VAV1: variants seen among roughly 807,000 people sequenced by gnomAD.
The protein encoded by VAV1 is vav guanine nucleotide exchange factor 1, also known as proto-oncogene vav.
Under a neutral mutation model 128.1 loss-of-function variants are expected in VAV1, and 33 were observed. That is an observed-to-expected ratio of 0.26 (90% CI 0.20 to 0.34). The LOEUF (loss-of-function observed/expected upper bound fraction) is 0.34. VAV1 is among the 10% of genes least tolerant of loss of function. VAV1 has a pLI of 1.00. For synonymous variants in VAV1, 394 were observed against 409.8 expected (o/e 0.96, Z 0.47); for missense variants, 715 against 1,093.7 (o/e 0.65, Z 4.88).
At chr19:6,824,218 G>T (rs1971860053) in intron 6 of VAV1, among the ~76,000 whole-genome samples, 1 of 151,990 alleles carries the variant, frequency 6.6e-6, no homozygotes, top group South Asian at 2.1e-4. Context: ...TGGGATTTTG[G>T]GTGTGAGCCA....
In VAV1 at chr19:6,785,094, C is replaced by T. The variant is rs532858837; in HGVS notation, c.204+12083C>T. On this transcript the variant is annotated intron_variant, in intron 1 of 26. Coordinates refer to ENST00000602142, the MANE Select transcript of VAV1 (RefSeq NM_005428.4). ...CCTCAGGGCCTTTGCACTGGCTCTT[C>T]CTTCTTCAGGGATTTCTCTTCCCTC... Among the ~76,000 whole-genome samples, 21 of 152,326 alleles carry T rather than the reference C, an allele frequency of 1.4e-4. No individual in the cohort carries two copies. The South Asian group carries it at 2.7e-3, about 20-fold the overall frequency.
Position 6,820,364 on chromosome 19 carries a change from A to C in VAV1, c.205-338A>C, listed in dbSNP as rs1971753228. On this transcript the variant is annotated intron_variant, in intron 1 of 26. Transcript: ENST00000602142. The surrounding 1 kb of genome is among the most constrained non-coding windows in gnomAD (Gnocchi z 4.4). ...ATCCACTCATCTCCGCCTCCTGAGTAGTTCAAAATGTTTTTCAGGTCATCC... is the reference window on the plus strand; with the variant it reads ...ATCCACTCATCTCCGCCTCCTGAGTCGTTCAAAATGTTTTTCAGGTCATCC... 1.3e-5 allele frequency among the ~76,000 whole-genome samples: 2 copies of C among 152,162 alleles called. No homozygotes were observed. Among genetic ancestry groups the C allele is most frequent in the South Asian group, 4.1e-4 (2 of 4,828 alleles).
chr19:6,822,503 T>G lies in VAV1; in HGVS notation c.643T>G (p.Ser215Ala). The G allele has an allele frequency of 6.5e-7, 1 of 1,549,804 alleles. No homozygotes were observed. The change falls in exon 6 of 27, where the codon TCC (serine) becomes GCC (alanine). Residue 215 changes from serine to alanine, a missense_variant. Coordinates refer to ENST00000602142, the MANE Select transcript of VAV1 (RefSeq NM_005428.4). This position sits in a 1 kb window ranked among gnomAD's most constrained non-coding sequence, Gnocchi z 5.9. ...GGAGAAGTACACTGACACGCTGGGC[T>G]CCATCCAGCAGGTGGGCGCCTCCCA... The part of the protein sequence containing the change: ...TEEKYTDTLG[S>A]IQQHFLKPLQ...
chr19:6,847,667 G>A (rs1972557530), intron 22 of VAV1, among the ~76,000 whole-genome samples: 1 of 152,090 alleles, frequency 6.6e-6, no homozygotes, highest in African/African-American at 2.4e-5. Context: ...GGTGACCACA[G>A]AGATGGGCAC....
intron 22 of VAV1, among the ~76,000 whole-genome samples, chr19:6,844,862 C>A (rs1475955863): frequency 6.6e-6 from 1 of 151,808 alleles, no homozygotes; most frequent in Non-Finnish European, 1.5e-5. Context: ...TAAAAAAAAT[C>A]AAAAACAAGC....
chr19:6,795,571 G>A (rs887231533), intron 1 of VAV1, among the ~76,000 whole-genome samples: 1 of 152,068 alleles, frequency 6.6e-6, no homozygotes, highest in African/African-American at 2.4e-5. Context: ...ATTGCTATTG[G>A]TCTGAGAACT....
At chr19:6,811,915 G>A (rs934619630) in intron 1 of VAV1, among the ~76,000 whole-genome samples, 7 of 152,150 alleles carry the variant, frequency 4.6e-5, no homozygotes, top group African/African-American at 7.2e-5. Flanking sequence ...AGATAATTCA[G>A]GGACCCAGGC....
chr19:6,795,059 A>G (rs1410613677), intron 1 of VAV1, among the ~76,000 whole-genome samples: 3 of 152,152 alleles, frequency 2.0e-5, no homozygotes, highest in African/African-American at 7.2e-5. Flanking sequence ...AGAGAGAGCA[A>G]GTATTCCTCA....
intron 1 of VAV1, among the ~76,000 whole-genome samples, chr19:6,808,627 T>C (rs949149291): frequency 6.6e-6 from 1 of 152,180 alleles, no homozygotes; most frequent in African/African-American, 2.4e-5. Flanking sequence ...CCATACTCAC[T>C]TGCCAGCCAG....
chr19:6,825,485 C>T (rs1018054458), intron 8 of VAV1, 79 bp downstream of exon 8: 8 of 1,256,838 alleles, frequency 6.4e-6, no homozygotes, highest in Admixed American at 2.0e-5. Context: ...ACCTTACCCT[C>T]AGACACCACT....
At chr19:6,823,525 T>A (rs566328175) in intron 6 of VAV1, among the ~76,000 whole-genome samples, 10 of 151,882 alleles carry the variant, frequency 6.6e-5, no homozygotes, top group South Asian at 2.1e-4. Flanking sequence ...TTATATATAT[T>A]TTTTGTTATG....
chr19:6,780,545 G>T (rs1970746120), intron 1 of VAV1, among the ~76,000 whole-genome samples: 1 of 127,110 alleles, frequency 7.9e-6, no homozygotes, highest in African/African-American at 3.5e-5. Flanking sequence ...TGCATTAAAA[G>T]ATTGCCTTCT....
At chr19:6,779,157 T>C (rs113731997) in intron 1 of VAV1, among the ~76,000 whole-genome samples, 20 of 149,824 alleles carry the variant, frequency 1.3e-4, no homozygotes, top group African/African-American at 3.4e-4. Flanking sequence ...GCTCAAGCAG[T>C]CCTCCTGCCT....
At chr19:6,781,420 C>T (rs1970763963) in intron 1 of VAV1, among the ~76,000 whole-genome samples, 2 of 152,098 alleles carry the variant, frequency 1.3e-5, no homozygotes, top group African/African-American at 4.8e-5. Context: ...TGGAGTTTTG[C>T]CAGCTGGATG....
At position 6,835,875 on chromosome 19, in the gene VAV1, G is replaced by GTTTTTTT. The variant is rs1972210408; in HGVS notation, c.1778-554_1778-553insTTTTTTT. On this transcript the variant is annotated intron_variant, in intron 19 of 26. Coordinates refer to ENST00000602142, the MANE Select transcript of VAV1 (RefSeq NM_005428.4). ...CTTTTTTTTTGTTTTTTGTTTTTTT[G>GTTTTTTT]TTTAGTTTTGTTTTGAGACAGAGTC... 4 of 151,216 alleles carry GTTTTTTT rather than the reference G, an allele frequency of 2.6e-5. No individual in the cohort carries two copies. In the South Asian group the frequency reaches 8.3e-4, roughly 32 times the overall value. The allele number at this position is 151,216 out of a possible 1,614,324, so 9.4% of individuals were successfully genotyped here.
intron 22 of VAV1, 36 bp downstream of exon 22, chr19:6,843,202 G>C: frequency 6.2e-7 from 1 of 1,613,654 alleles, no homozygotes; most frequent in Non-Finnish European, 8.5e-7. Flanking sequence ...TCAATGAGAG[G>C]TTTCTGGGTT....
chr19:6,846,362 G>A (rs1364566208), intron 22 of VAV1, among the ~76,000 whole-genome samples: 1 of 151,124 alleles, frequency 6.6e-6, no homozygotes, highest in Non-Finnish European at 1.5e-5. Context: ...TGAGGCGGGT[G>A]GATCACTTGA....
Position 6,826,590 on chromosome 19 carries a change from G to A in VAV1, c.828-22G>A. The A allele has an allele frequency of 6.5e-7, 1 of 1,542,300 alleles. No homozygotes were observed. Among genetic ancestry groups the A allele is most frequent in the Non-Finnish European group, 8.8e-7 (1 of 1,139,830 alleles). ...CCTTGATGCCAGTCACCTTTACCTG[G>A]TGGCCTGTCTTCTCCCTGTAGGTTC... On this transcript the variant is annotated intron_variant, in intron 8 of 26. Coordinates refer to ENST00000602142, the MANE Select transcript of VAV1 (RefSeq NM_005428.4). This position sits in a 1 kb window ranked among gnomAD's most constrained non-coding sequence, Gnocchi z 4.1.
chr19:6,815,644 C>A (rs1172579855), intron 1 of VAV1, among the ~76,000 whole-genome samples: 1 of 152,184 alleles, frequency 6.6e-6, no homozygotes, highest in African/African-American at 2.4e-5. Context: ...CAAATGAATT[C>A]ACACACACAG....
Sources: allele counts gnomAD v4.1 joint callset (sites outside exome capture counted in the v4.1 genomes callset), GRCh38; gene constraint gnomAD v4.1.1; non-coding constraint Gnocchi (gnomAD v3.1); transcripts MANE v1.5; gene names NCBI Gene and HGNC (gene_info 2026-07-23, HGNC 2026-07-21).